The following MAD1L1 variants were observed in gnomAD, a reference collection of about 807,000 sequenced individuals.
MAD1L1 encodes mitotic arrest deficient 1 like 1.
MAD1L1 carries 95 observed loss-of-function variants against 96.9 expected under a neutral mutation model. The ratio of observed to expected loss-of-function variants is 0.98; its 90% CI spans 0.83 to 1.16. MAD1L1 has a LOEUF of 1.16. MAD1L1 is among the 50% of genes most tolerant of loss of function. The pLI, the probability that MAD1L1 is intolerant of heterozygous loss-of-function variation, is 0.00. For missense variants in MAD1L1, 1,007 were observed against 954.4 expected (o/e 1.06, Z -0.73); for synonymous variants, 473 against 396.6 (o/e 1.19, Z -2.29).
At chr7:1,940,701 G>A (rs1320869448) in intron 16 of MAD1L1, among the ~76,000 whole-genome samples, 2 of 152,206 alleles carry the variant, frequency 1.3e-5, no homozygotes, top group Non-Finnish European at 2.9e-5. Flanking sequence ...GCCAGCATGG[G>A]CCCCGCTGAC....
At chr7:1,884,785 A>G (rs569901454) in intron 18 of MAD1L1, among the ~76,000 whole-genome samples, 1 of 152,326 alleles carries the variant, frequency 6.6e-6, no homozygotes, top group South Asian at 2.1e-4. Flanking sequence ...GCTGTCCCAC[A>G]GGTCAGAGCC....
chr7:2,224,412 C>T (rs1043539374), intron 4 of MAD1L1, among the ~76,000 whole-genome samples: 1 of 152,198 alleles, frequency 6.6e-6, no homozygotes, highest in African/African-American at 2.4e-5. Flanking sequence ...AAACAGCTCT[C>T]AAAGCAGCAA....
At chr7:2,001,442 T>A (rs1388160056) in intron 14 of MAD1L1, among the ~76,000 whole-genome samples, 48 of 152,144 alleles carry the variant, frequency 3.2e-4, no homozygotes, top group Admixed American at 3.1e-3. Flanking sequence ...ACACTGGAGG[T>A]CCAGAAACCA....
In MAD1L1 at chr7:1,938,547, C is replaced by T. The variant is rs117100204; in HGVS notation, c.1597-1650G>A. ...AGAAAGGGTTCAGATCCAGAACATA[C>T]GAAGAAGTCAGAAATAACCAAGGGC... On this transcript the variant is annotated intron_variant, in intron 16 of 18. Coordinates refer to ENST00000265854, the MANE Select transcript of MAD1L1 (RefSeq NM_001013836.2). Among the ~76,000 whole-genome samples the T allele has an allele frequency of 8.4e-3, 1,277 of 151,456 alleles. 9 individuals carry two copies. The highest frequency in any genetic ancestry group is 0.012 in the Non-Finnish European group (829 of 67,770).
intron 18 of MAD1L1, among the ~76,000 whole-genome samples, chr7:1,887,381 G>A (rs1300284370): frequency 5.3e-5 from 8 of 151,132 alleles, no homozygotes; most frequent in South Asian, 2.1e-4. Context: ...CTGTGCATGC[G>A]TGTACATGCA....
chr7:1,889,886 T>TG (rs1464852736), intron 18 of MAD1L1, among the ~76,000 whole-genome samples: 1 of 152,160 alleles, frequency 6.6e-6, no homozygotes, highest in Non-Finnish European at 1.5e-5. Context: ...AGCTCAGAGC[T>TG]GGGGGGCCTG....
chr7:2,060,067 CAA>C (rs1784571786), intron 12 of MAD1L1, among the ~76,000 whole-genome samples: 3 of 147,200 alleles, frequency 2.0e-5, no homozygotes, highest in Non-Finnish European at 1.5e-5. Context: ...GCCGAGGTAT[CAA>C]GATACGCTGA....
chr7:2,044,203 T>C (rs924951294), intron 12 of MAD1L1, among the ~76,000 whole-genome samples: 4 of 152,240 alleles, frequency 2.6e-5, no homozygotes, highest in Admixed American at 1.3e-4. Context: ...CAAGGGTCAC[T>C]CTTGCTCATT....
chr7:2,072,633 G>C (rs375990524), intron 11 of MAD1L1, among the ~76,000 whole-genome samples: 2 of 152,240 alleles, frequency 1.3e-5, no homozygotes, highest in Admixed American at 6.5e-5. Context: ...TCACGGCTCC[G>C]TGTGGTCATT....
intron 11 of MAD1L1, among the ~76,000 whole-genome samples, chr7:2,106,990 T>A (rs908187480): frequency 6.6e-6 from 1 of 152,046 alleles, no homozygotes; most frequent in Non-Finnish European, 1.5e-5. Context: ...AGGAGGCTCC[T>A]GACGCCGTGT....
intron 10 of MAD1L1, among the ~76,000 whole-genome samples, chr7:2,153,885 C>T (rs1235775644): frequency 6.6e-6 from 1 of 152,180 alleles, no homozygotes; most frequent in Non-Finnish European, 1.5e-5. Flanking sequence ...GGGCCGAGCG[C>T]GGTGGCTCAC....
chr7:2,176,948 G>A (rs1790976281), intron 10 of MAD1L1, among the ~76,000 whole-genome samples: 1 of 152,214 alleles, frequency 6.6e-6, no homozygotes, highest in Non-Finnish European at 1.5e-5. Context: ...TGTGTGGCCA[G>A]GGTTGTGAAA....
chr7:1,890,152 G>A (rs1310793150), intron 18 of MAD1L1, among the ~76,000 whole-genome samples: 2 of 152,222 alleles, frequency 1.3e-5, no homozygotes, highest in East Asian at 3.8e-4. Flanking sequence ...TGGGTATGGT[G>A]GGCTCGGATC....
intron 10 of MAD1L1, among the ~76,000 whole-genome samples, chr7:2,197,519 C>T (rs528248756): frequency 1.2e-4 from 18 of 152,312 alleles, no homozygotes; most frequent in Admixed American, 3.3e-4. Flanking sequence ...GTACACACGA[C>T]GTGCACTGCA....
chr7:1,954,895 G>A (rs1048218401), intron 16 of MAD1L1, among the ~76,000 whole-genome samples: 3 of 152,060 alleles, frequency 2.0e-5, no homozygotes, highest in African/African-American at 4.8e-5. Flanking sequence ...CCCCTTCAGC[G>A]ACACAAGGGT....
chr7:1,891,012 G>C (rs1786504263), intron 18 of MAD1L1, among the ~76,000 whole-genome samples: 1 of 152,190 alleles, frequency 6.6e-6, no homozygotes, highest in Non-Finnish European at 1.5e-5. Flanking sequence ...ACAGACGCCA[G>C]AAAGCGGGCT....
intron 10 of MAD1L1, among the ~76,000 whole-genome samples, chr7:2,161,425 G>A (rs2128588516): frequency 6.6e-6 from 1 of 152,136 alleles, no homozygotes; most frequent in African/African-American, 2.4e-5. Context: ...TGCCCAGCCT[G>A]GAGTGCAGTG....
intron 12 of MAD1L1, among the ~76,000 whole-genome samples, chr7:2,061,903 G>C (rs1394812269): frequency 3.3e-5 from 5 of 152,218 alleles, no homozygotes. Context: ...GGAAGCCAGG[G>C]ACTAAAGAGT....
intron 11 of MAD1L1, among the ~76,000 whole-genome samples, chr7:2,082,882 G>A (rs999969630): frequency 6.6e-6 from 1 of 152,226 alleles, no homozygotes; most frequent in Non-Finnish European, 1.5e-5. Flanking sequence ...AGCACATTCG[G>A]CCTGTTTATT....
Sources: gnomAD v4.1 joint callset for allele counts (sites outside exome capture counted in the v4.1 genomes callset) on GRCh38, gnomAD v4.1.1 for gene constraint, MANE v1.5 for transcripts, NCBI Gene and HGNC (gene_info 2026-07-23, HGNC 2026-07-21) for gene names.